KLK14: variants seen among roughly 807,000 people sequenced by gnomAD.
KLK14 encodes the protein kallikrein-14.
In KLK14, 21 loss-of-function variants were observed where a neutral mutation model predicts 24.6. The ratio of observed to expected loss-of-function variants is 0.85; its 90% CI spans 0.61 to 1.23. The LOEUF is 1.23. Ranked by LOEUF, KLK14 falls within the 50% of genes most tolerant of loss-of-function variation. The pLI is 0.00. For missense variants in KLK14, 320 were observed against 338.9 expected, an observed-to-expected ratio of 0.94 and a Z score of 0.44; for synonymous variants, 133 against 139.7, an observed-to-expected ratio of 0.95 and a Z score of 0.34.
chr19:51,083,116 G>C (rs1300699962), upstream of KLK14, among the ~76,000 whole-genome samples: 1 of 151,924 alleles, frequency 6.6e-6, no homozygotes, highest in Non-Finnish European at 1.5e-5. Flanking sequence ...TCCTGGGAGG[G>C]GACCCCAGGG....
In KLK14 at chr19:51,081,602, G is replaced by A. The variant is rs1050747867; in HGVS notation, c.142C>T (p.Arg48Cys). The change falls in exon 3 of 6, where the codon CGC becomes TGC. Residue 48 changes from arginine (R) to cysteine (C), a missense_variant. Transcript: ENST00000650543. Reference protein sequence around the residue: ...WQAALLAGPRRRFLCGGALLS... With the variant: ...WQAALLAGPRCRFLCGGALLS... ...AGGGCGCCTCCGCAGAGGAAGCGGC[G>A]CCTGGGACCCGCCAGCAGGGCCGCC... is the stretch of plus-strand genomic sequence containing the variant. 3.2e-6 allele frequency: 5 copies of A among 1,550,628 alleles called. No individual in the cohort carries two copies. Among genetic ancestry groups the A allele is most frequent in the East Asian group, 4.9e-5 (2 of 40,902 alleles).
In KLK14 at chr19:51,078,833, G is replaced by A. The variant is rs79507858; in HGVS notation, c.585C>T (p.Gly195=). The A allele has an allele frequency of 5.7e-3, 9,148 of 1,613,728 alleles. 382 individuals carry two copies. The African/African-American group carries it at 0.099, about 18-fold the overall frequency. The change falls in exon 5 of 6, where the codon GGC becomes GGT. Residue 195 remains glycine, a synonymous_variant. Coordinates refer to ENST00000650543, the MANE Select transcript of KLK14 (RefSeq NM_001369775.2). This position sits in a 1 kb window ranked among gnomAD's most constrained non-coding sequence, Gnocchi z 5.0. The stretch of plus-strand genomic sequence containing the variant: ...GCCTTACCTGACAAGAGTCCTTCCC[G>A]CCCTGGGGAACTCCTGCACAGACCA... ...PGMVCAGVPQ[G]GKDSCQGDSG... is the part of the protein sequence containing the mutation.
chr19:51,078,872 G>C lies in KLK14; in HGVS notation c.546C>G (p.Thr182=). 6.2e-7 allele frequency: 1 copy of C among 1,614,062 alleles called. No homozygotes were observed. The highest frequency in any genetic ancestry group is 8.5e-7 in the Non-Finnish European group (1 of 1,179,936). The part of the protein sequence containing the change: ...DEVCQKAYPR[T]ITPGMVCAGV... ...CTGCACAGACCATGCCAGGCGTGAT[G>C]GTTCTAGGATAGGCCTTCTGGCACA... Residue 182 remains threonine (T), a synonymous_variant, in exon 5 of 6, where the codon ACC becomes ACG. Transcript: ENST00000650543. This position sits in a 1 kb window ranked among gnomAD's most constrained non-coding sequence, Gnocchi z 5.0.
chr19:51,082,870 G>A lies in KLK14; in HGVS notation c.-171C>T. On this transcript the variant is annotated 5_prime_UTR_variant, in exon 1 of 6. Transcript: ENST00000650543. ...CCTCCTTGATGTCTTGATGAAGGAAGGAGGGGAGGTGTCTCTCTTCCTAGT... is the reference window on the plus strand; with the variant it reads ...CCTCCTTGATGTCTTGATGAAGGAAAGAGGGGAGGTGTCTCTCTTCCTAGT... 9.2e-7 allele frequency: 1 copy of A among 1,092,620 alleles called. No homozygotes were observed. The highest frequency in any genetic ancestry group is 1.6e-5 in the African/African-American group (1 of 63,698). 67.7% of individuals were successfully genotyped at this position (1,092,620 alleles called of 1,614,324 possible).
intron 3 of KLK14, 46 bp downstream of exon 3, chr19:51,081,486 A>G (rs2569489): frequency 0.38 from 547,184 of 1,423,814 alleles, 111,326 homozygotes; most frequent in African/African-American, 0.66. Flanking sequence ...AGGGCTTTAG[A>G]CTCTGGAATT....
chr19:51,078,192 TGGACA>T lies in KLK14; in HGVS notation c.604-38_604-34del. 6 of 1,608,016 alleles carry T rather than the reference TGGACA, an allele frequency of 3.7e-6. No homozygotes were observed. The highest frequency in any genetic ancestry group is 5.1e-6 in the Non-Finnish European group (6 of 1,177,454). On this transcript the variant is annotated intron_variant, in intron 5 of 5. Transcript: ENST00000650543. The surrounding 1 kb of genome is among the most constrained non-coding windows in gnomAD (Gnocchi z 5.0). ...GGAGGAACAGAAATGGAGACACTGA[TGGACA>T]GGTAGCCAGAGCCACCATGGCACAG...
At chr19:51,083,317 G>C (rs962958922), upstream of KLK14, among the ~76,000 whole-genome samples, 8 of 149,500 alleles carry the variant, frequency 5.4e-5, no homozygotes, top group East Asian at 2.0e-4. Context: ...GAGAGACAGA[G>C]AGAGATGGAG....
At position 51,079,703 on chromosome 19, in the gene KLK14, C is replaced by T; in HGVS notation, c.213-1G>A. On this transcript the variant is annotated splice_acceptor_variant, in intron 3 of 5. Coordinates refer to ENST00000650543, the MANE Select transcript of KLK14 (RefSeq NM_001369775.2). LOFTEE classifies it high-confidence loss of function. ...CTTGCCCAGGGCAACCTGAAGGATC[C>T]TGGCCACGACCCCCAAGAGAAGCGC... is the stretch of plus-strand genomic sequence containing the variant. 6.4e-7 allele frequency: 1 copy of T among 1,551,498 alleles called. No homozygotes were observed. Among genetic ancestry groups the T allele is most frequent in the Non-Finnish European group, 8.7e-7 (1 of 1,148,850 alleles).
rs552952203 is a variant in KLK14, at chr19:51,079,639, C to T, written c.276G>A (p.Leu92=). ...LRRWEATQQV[L]RVVRQVTHPN... The stretch of plus-strand genomic sequence containing the variant: ...GGTGCGTCACCTGACGAACCACGCG[C>T]AGCACCTGCTGGGTGGCCTCCCACC... The change falls in exon 4 of 6, where the codon CTG becomes CTA. Residue 92 remains leucine, a synonymous_variant. Transcript: ENST00000650543. 50 of 1,606,340 alleles carry T rather than the reference C, an allele frequency of 3.1e-5. No homozygotes were observed. In the South Asian group the frequency reaches 5.6e-4, roughly 18 times the overall value.
chr19:51,082,987 G>C (rs1204387975), upstream of KLK14: 1 of 577,938 alleles, frequency 1.7e-6, no homozygotes, highest in Non-Finnish European at 3.1e-6. Flanking sequence ...TTTTTTTATT[G>C]CCTAGTTCCC....
At chr19:51,082,020 G>A (rs746797148) in intron 2 of KLK14, among the ~76,000 whole-genome samples, 5 of 151,826 alleles carry the variant, frequency 3.3e-5, no homozygotes, top group East Asian at 1.9e-4. Context: ...ATCACTTCTC[G>A]AAATATGCCA....
In KLK14 at chr19:51,078,779, A is replaced by C; in HGVS notation, c.603+36T>G. ...ATCATTTGCTTAAATCCCAGTCCCA[A>C]ATAATCCCTACCACAGCTCCCATCC... is the stretch of plus-strand genomic sequence containing the variant. On this transcript the variant is annotated intron_variant, in intron 5 of 5. Coordinates refer to ENST00000650543, the MANE Select transcript of KLK14 (RefSeq NM_001369775.2). This position sits in a 1 kb window ranked among gnomAD's most constrained non-coding sequence, Gnocchi z 5.0. 1 of 1,607,624 alleles carries C rather than the reference A, an allele frequency of 6.2e-7. No individual in the cohort carries two copies. Among genetic ancestry groups the C allele is most frequent in the Non-Finnish European group, 8.5e-7 (1 of 1,176,894 alleles).
At chr19:51,080,535 C>T in intron 3 of KLK14, among the ~76,000 whole-genome samples, 1 of 152,186 alleles carries the variant, frequency 6.6e-6, no homozygotes, top group African/African-American at 2.4e-5. Context: ...AGGTTCTAGA[C>T]TGACCTGTTT....
upstream of KLK14, among the ~76,000 whole-genome samples, chr19:51,083,678 A>G (rs1599799841): frequency 6.6e-6 from 1 of 152,084 alleles, no homozygotes; most frequent in African/African-American, 2.4e-5. Flanking sequence ...GAAAAAAACA[A>G]GACAGAGGAA....
chr19:51,083,737 T>C (rs1291506018), upstream of KLK14, among the ~76,000 whole-genome samples: 1 of 144,568 alleles, frequency 6.9e-6, no homozygotes, highest in Admixed American at 6.8e-5. Context: ...GAAGTGGAGA[T>C]AGAAAAGCAA....
At chr19:51,083,288 A>AGAGAGG (rs771308926), upstream of KLK14, among the ~76,000 whole-genome samples, 9,429 of 129,558 alleles carry the variant, frequency 0.073, 959 homozygotes, top group African/African-American at 0.26. Flanking sequence ...GGAGAGAGGG[A>AGAGAGG]GAGAGAGAGA....
intron 3 of KLK14, among the ~76,000 whole-genome samples, chr19:51,080,646 C>T (rs1662554066): frequency 6.6e-6 from 1 of 152,100 alleles, no homozygotes; most frequent in South Asian, 2.1e-4. Flanking sequence ...TTATATGGGG[C>T]TTCTGATTAG....
At position 51,078,716 on chromosome 19, in the gene KLK14, C is replaced by T; in HGVS notation, c.603+99G>A. The T allele has an allele frequency of 2.0e-6, 3 of 1,483,614 alleles. No homozygotes were observed. In the East Asian group the frequency reaches 6.9e-5, roughly 34 times the overall value. 91.9% of individuals were successfully genotyped at this position (1,483,614 alleles called of 1,614,324 possible). ...AATCTCTCTGTGCCTGCGGTTCACT[C>T]TCTTCTGAAGACCTCTGCAGACTTC... On this transcript the variant is annotated intron_variant, in intron 5 of 5. Coordinates refer to ENST00000650543, the MANE Select transcript of KLK14 (RefSeq NM_001369775.2). This position sits in a 1 kb window ranked among gnomAD's most constrained non-coding sequence, Gnocchi z 5.0.
intron 3 of KLK14, among the ~76,000 whole-genome samples, chr19:51,080,554 G>A (rs533870329): frequency 2.0e-5 from 3 of 152,310 alleles, no homozygotes; most frequent in African/African-American, 7.2e-5. Flanking sequence ...TTATGGCATA[G>A]ATATGGCTTA....
Sources: allele counts gnomAD v4.1 joint callset (sites outside exome capture counted in the v4.1 genomes callset), GRCh38; gene constraint gnomAD v4.1.1; non-coding constraint Gnocchi (gnomAD v3.1); transcripts MANE v1.5; gene names NCBI Gene and HGNC (gene_info 2026-07-23, HGNC 2026-07-21).